The following SPCS2 variants were observed in gnomAD, a reference collection of about 807,000 sequenced individuals.
SPCS2 encodes the protein SPase 25 kDa subunit.
A neutral mutation model predicts 22.3 loss-of-function variants in SPCS2; 3 were observed. The observed-to-expected ratio is 0.13, with a 90% confidence interval of 0.06 to 0.35. The LOEUF is 0.35. Ranked by LOEUF, SPCS2 falls within the 10% of genes least tolerant of loss-of-function variation. The pLI, the probability that SPCS2 is intolerant of heterozygous loss-of-function variation, is 1.00. For synonymous variants in SPCS2, 67 were observed against 97.2 expected (o/e 0.69, Z 1.83); for missense variants, 169 against 280.9 (o/e 0.60, Z 2.85).
intron 1 of SPCS2, among the ~76,000 whole-genome samples, chr11:74,955,411 A>G (rs1361465147): frequency 1.3e-5 from 2 of 152,234 alleles, no homozygotes; most frequent in Non-Finnish European, 2.9e-5. Flanking sequence ...ATTGATACAT[A>G]CTACAATATG....
At chr11:74,973,832 A>G (rs570368311) in intron 4 of SPCS2, among the ~76,000 whole-genome samples, 2 of 151,822 alleles carry the variant, frequency 1.3e-5, no homozygotes, top group Admixed American at 6.5e-5. Context: ...CCAAGTACCT[A>G]TCTAAGGCCT....
At chr11:74,964,183 A>G (rs1301017693) in intron 1 of SPCS2, among the ~76,000 whole-genome samples, 1 of 152,168 alleles carries the variant, frequency 6.6e-6, no homozygotes, top group Non-Finnish European at 1.5e-5. Context: ...GTAGCCTTGT[A>G]TTTCATTTCA....
At chr11:74,973,322 ACT>A (rs1181467786) in intron 4 of SPCS2, among the ~76,000 whole-genome samples, 8 of 150,926 alleles carry the variant, frequency 5.3e-5, no homozygotes, top group African/African-American at 2.0e-4. Context: ...GCTCATTGGC[ACT>A]CTCTCTAACA....
chr11:74,964,024 A>G (rs1948530012), intron 1 of SPCS2, among the ~76,000 whole-genome samples: 1 of 152,240 alleles, frequency 6.6e-6, no homozygotes, highest in African/African-American at 2.4e-5. Context: ...AAAATTTTAA[A>G]GGCACACATA....
intron 1 of SPCS2, among the ~76,000 whole-genome samples, chr11:74,953,540 TTTTTA>T (rs774184522): frequency 1.3e-5 from 2 of 151,864 alleles, no homozygotes; most frequent in Non-Finnish European, 2.9e-5. Context: ...GCGGGGAGGG[TTTTTA>T]TTTTATTTCT....
chr11:74,958,688 C>T (rs760559882), intron 1 of SPCS2, among the ~76,000 whole-genome samples: 4 of 152,162 alleles, frequency 2.6e-5, no homozygotes, highest in South Asian at 2.1e-4. Context: ...TCCAACAAGT[C>T]ATCCAAGCCC....
intron 4 of SPCS2, among the ~76,000 whole-genome samples, chr11:74,973,209 T>C (rs1318681021): frequency 6.6e-6 from 1 of 152,182 alleles, no homozygotes; most frequent in Non-Finnish European, 1.5e-5. Context: ...ATGCGTCCTC[T>C]TCCCTAAAAT....
At chr11:74,965,387 AAAG>A (rs1948538199) in intron 2 of SPCS2, among the ~76,000 whole-genome samples, 1 of 152,142 alleles carries the variant, frequency 6.6e-6, no homozygotes, top group Non-Finnish European at 1.5e-5. Context: ...ATTAAAAAAA[AAAG>A]AAATATAGAT....
rs1948630741 is a variant in SPCS2, at chr11:74,979,021, C to T, written c.*1978C>T. On this transcript the variant is annotated 3_prime_UTR_variant, in exon 5 of 5. Coordinates refer to ENST00000263672, the MANE Select transcript of SPCS2 (RefSeq NM_014752.3). The stretch of plus-strand genomic sequence containing the variant: ...TATAATGCAGCTATTAAAAATGAGT[C>T]TGAGGCCAGGCATGGTGGCTCACGC... 6 of 152,246 alleles carry T rather than the reference C, an allele frequency of 3.9e-5. No homozygotes were observed. The South Asian group carries it at 1.2e-3, about 32-fold the overall frequency. The allele number at this position is 152,246 out of a possible 1,614,324, so 9.4% of individuals were successfully genotyped here. A position where few individuals can be genotyped will look rare whatever the true frequency, so the allele number is the denominator to read the frequency against.
At chr11:74,967,182 T>A (rs1294231135) in intron 3 of SPCS2, among the ~76,000 whole-genome samples, 36 of 152,234 alleles carry the variant, frequency 2.4e-4, no homozygotes, top group Admixed American at 2.3e-3. Context: ...CACCAGGTGA[T>A]CCTTGACTCC....
chr11:74,973,655 T>C (rs1246403725), intron 4 of SPCS2, among the ~76,000 whole-genome samples: 2 of 152,206 alleles, frequency 1.3e-5, no homozygotes, highest in African/African-American at 4.8e-5. Flanking sequence ...CTGGCTTAGA[T>C]TCCATGACAC....
chr11:74,949,420 A>G (rs905884002), intron 1 of SPCS2, 21 bp downstream of exon 1: 1 of 1,547,048 alleles, frequency 6.5e-7, no homozygotes. Context: ...GGTTCTTGGG[A>G]ACAGTTGAAT....
Position 74,971,738 on chromosome 11 carries a change from C to A in SPCS2, c.494+2039C>A, listed in dbSNP as rs959873346. ...GACAACACAAGCTATGTGACTCTCT[C>A]GCAAAAAGTGATTTTGTCACTCCCC... On this transcript the variant is annotated intron_variant, in intron 4 of 4. Transcript: ENST00000263672. 3.3e-5 allele frequency among the ~76,000 whole-genome samples: 5 copies of A among 151,836 alleles called. No individual in the cohort carries two copies. In the South Asian group the frequency reaches 1.0e-3, roughly 31 times the overall value.
chr11:74,958,188 A>C (rs962065366), intron 1 of SPCS2, among the ~76,000 whole-genome samples: 1 of 152,180 alleles, frequency 6.6e-6, no homozygotes, highest in Non-Finnish European at 1.5e-5. Context: ...CCTAAGAATC[A>C]GTTTCTCTGG....
intron 1 of SPCS2, among the ~76,000 whole-genome samples, chr11:74,955,304 T>A (rs1385018689): frequency 6.6e-6 from 1 of 152,164 alleles, no homozygotes; most frequent in African/African-American, 2.4e-5. Context: ...GTTATCATAA[T>A]GGCCTAAAGG....
At chr11:74,974,091 A>G (rs1328638362) in intron 4 of SPCS2, among the ~76,000 whole-genome samples, 3 of 146,872 alleles carry the variant, frequency 2.0e-5, no homozygotes, top group African/African-American at 7.7e-5. Context: ...GACATAGCTA[A>G]TTACCCTTAC....
At chr11:74,949,702 G>T in intron 1 of SPCS2, 1 of 470,644 alleles carries the variant, frequency 2.1e-6, no homozygotes, top group Admixed American at 2.3e-5. Flanking sequence ...CTCCTGGGGG[G>T]CTGGGTGCAC....
intron 1 of SPCS2, among the ~76,000 whole-genome samples, chr11:74,950,229 C>T (rs2140205595): frequency 6.6e-6 from 1 of 152,156 alleles, no homozygotes; most frequent in South Asian, 2.1e-4. Context: ...GCTTTGTGAC[C>T]TTGAAATATG....
intron 1 of SPCS2, among the ~76,000 whole-genome samples, chr11:74,964,148 A>G (rs927250558): frequency 1.3e-5 from 2 of 152,230 alleles, no homozygotes; most frequent in Non-Finnish European, 1.5e-5. Flanking sequence ...CCAGCTTTTC[A>G]CTATTACAGA....
Sources: gnomAD v4.1 joint callset for allele counts (sites outside exome capture counted in the v4.1 genomes callset) on GRCh38, gnomAD v4.1.1 for gene constraint, MANE v1.5 for transcripts, NCBI Gene and HGNC (gene_info 2026-07-23, HGNC 2026-07-21) for gene names.